The following XKR4 variants were observed in gnomAD, a reference collection of about 807,000 sequenced individuals.
XKR4 encodes XK related 4, also known as XK-related protein 4.
A neutral mutation model predicts 53.9 loss-of-function variants in XKR4; 12 were observed. That is an observed-to-expected ratio of 0.22 (90% CI 0.14 to 0.36). XKR4 has a LOEUF of 0.36. Among genes scored for constraint, XKR4 ranks in the 10% least tolerant of loss-of-function variants. The pLI is 1.00. For missense variants in XKR4, 799 were observed against 859.5 expected (o/e 0.93, Z 0.88); for synonymous variants, 354 against 362.4 (o/e 0.98, Z 0.26).
intron 1 of XKR4, among the ~76,000 whole-genome samples, chr8:55,240,919 G>A (rs538567180): frequency 6.6e-6 from 1 of 152,266 alleles, no homozygotes; most frequent in East Asian, 1.9e-4. Flanking sequence ...TGTAGGAAAG[G>A]TAAGGTATTC....
At chr8:55,300,562 C>T (rs1819177330) in intron 1 of XKR4, among the ~76,000 whole-genome samples, 2 of 151,688 alleles carry the variant, frequency 1.3e-5, no homozygotes, top group Admixed American at 6.6e-5. Flanking sequence ...GGAGATGGGT[C>T]GTGGAATAGA....
chr8:55,302,152 C>G (rs1427467737), intron 1 of XKR4, among the ~76,000 whole-genome samples: 2 of 152,002 alleles, frequency 1.3e-5, no homozygotes, highest in African/African-American at 2.4e-5. Context: ...GTCTTTAATC[C>G]ATCTTGAATT....
Position 55,113,286 on chromosome 8 carries a change from ATGTTGTC to A in XKR4, c.806+9993_806+9999del, listed in dbSNP as rs556107580. 4.0e-4 allele frequency among the ~76,000 whole-genome samples: 61 copies of A among 152,336 alleles called. No homozygotes were observed. In the East Asian group the frequency reaches 0.011, roughly 28 times the overall value. On this transcript the variant is annotated intron_variant, in intron 1 of 2. Coordinates refer to ENST00000327381, the MANE Select transcript of XKR4 (RefSeq NM_052898.2). ...TCTAATCTGCTAATAGGAAAGTAGCATGTTGTCCATAAGGCATGCATCTGTTAGCTAG... is the reference window on the plus strand; with the variant it reads ...TCTAATCTGCTAATAGGAAAGTAGCACATAAGGCATGCATCTGTTAGCTAG...
At chr8:55,305,341 C>G (rs1196749621) in intron 1 of XKR4, among the ~76,000 whole-genome samples, 1 of 152,050 alleles carries the variant, frequency 6.6e-6, no homozygotes, top group Non-Finnish European at 1.5e-5. Context: ...CAGGGTGGGC[C>G]CCAGTTCTCC....
Position 55,145,451 on chromosome 8 carries a change from C to T in XKR4, c.806+42157C>T, listed in dbSNP as rs182223444. The stretch of plus-strand genomic sequence containing the variant: ...TTCTCAAAAAAAAAAATGTAATTTC[C>T]CTAAGAGGATTGCAATGTTTTAGAT... On this transcript the variant is annotated intron_variant, in intron 1 of 2. Transcript: ENST00000327381. 9.8e-4 allele frequency among the ~76,000 whole-genome samples: 148 copies of T among 151,780 alleles called. 1 individual carries two copies. The highest frequency in any genetic ancestry group is 1.9e-3 in the Admixed American group (29 of 15,254).
rs1819215561 is a variant in XKR4, at chr8:55,302,422, G to C, written c.807-55256G>C. Among the ~76,000 whole-genome samples the C allele has an allele frequency of 1.1e-4, 17 of 152,264 alleles. No individual in the cohort carries two copies. The South Asian group carries it at 3.5e-3, about 32-fold the overall frequency. ...AGCCTTGTAGTATAGTTTGAAGTCA[G>C]GTAGCATGATGCCTCCAGCTTTGTT... On this transcript the variant is annotated intron_variant, in intron 1 of 2. Transcript: ENST00000327381.
chr8:55,448,537 A>G (rs1395949590), intron 2 of XKR4, among the ~76,000 whole-genome samples: 1 of 152,230 alleles, frequency 6.6e-6, no homozygotes, highest in Non-Finnish European at 1.5e-5. Context: ...TCAGTGAGGA[A>G]AATGTGGTTT....
chr8:55,437,349 G>T (rs542854439), intron 2 of XKR4, among the ~76,000 whole-genome samples: 1 of 152,104 alleles, frequency 6.6e-6, no homozygotes, highest in African/African-American at 2.4e-5. Flanking sequence ...CAATATTAAG[G>T]GAGGAGGTTT....
chr8:55,256,868 A>G (rs1818445236), intron 1 of XKR4, among the ~76,000 whole-genome samples: 3 of 152,210 alleles, frequency 2.0e-5, no homozygotes, highest in Admixed American at 2.0e-4. Flanking sequence ...AGGCTGGGTA[A>G]CGCATAAATA....
At chr8:55,225,991 G>A (rs1817947061) in intron 1 of XKR4, among the ~76,000 whole-genome samples, 1 of 152,186 alleles carries the variant, frequency 6.6e-6, no homozygotes, top group South Asian at 2.1e-4. Flanking sequence ...CCTCTGTCTG[G>A]CCCAGACAAC....
intron 1 of XKR4, among the ~76,000 whole-genome samples, chr8:55,357,072 G>C (rs1002075457): frequency 1.3e-5 from 2 of 152,182 alleles, no homozygotes; most frequent in African/African-American, 4.8e-5. Context: ...TAGGCTATTA[G>C]TGAAGTGGAG....
intron 2 of XKR4, among the ~76,000 whole-genome samples, chr8:55,416,583 C>T (rs931751165): frequency 3.7e-4 from 57 of 152,298 alleles, no homozygotes; most frequent in African/African-American, 1.3e-3. Context: ...TTGTTCTGGG[C>T]TGCAGGAAGA....
At chr8:55,190,434 A>C (rs976230700) in intron 1 of XKR4, among the ~76,000 whole-genome samples, 1 of 152,214 alleles carries the variant, frequency 6.6e-6, no homozygotes, top group Non-Finnish European at 1.5e-5. Context: ...GGTTTAATTC[A>C]ACAGTTCTTT....
intron 2 of XKR4, chr8:55,449,617 G>A: frequency 1.8e-6 from 2 of 1,109,548 alleles, no homozygotes; most frequent in Non-Finnish European, 1.4e-6. Flanking sequence ...CGTCAAAGAA[G>A]GCCTTCTCAT....
At chr8:55,306,991 T>A (rs1819310537) in intron 1 of XKR4, among the ~76,000 whole-genome samples, 1 of 148,290 alleles carries the variant, frequency 6.7e-6, no homozygotes, top group Non-Finnish European at 1.5e-5. Context: ...ACAAATTAGA[T>A]CAATACAGAT....
chr8:55,400,950 G>T (rs925276306), intron 2 of XKR4, among the ~76,000 whole-genome samples: 1 of 152,196 alleles, frequency 6.6e-6, no homozygotes, highest in African/African-American at 2.4e-5. Flanking sequence ...CACAGTGGGA[G>T]AAGCCACAAA....
intron 1 of XKR4, among the ~76,000 whole-genome samples, chr8:55,280,381 G>A (rs1043490040): frequency 2.0e-5 from 3 of 152,156 alleles, no homozygotes; most frequent in African/African-American, 7.2e-5. Flanking sequence ...GGTTAACTCA[G>A]GTTGTGCTGT....
At chr8:55,389,978 T>C (rs978523782) in intron 2 of XKR4, among the ~76,000 whole-genome samples, 8 of 152,128 alleles carry the variant, frequency 5.3e-5, no homozygotes, top group Admixed American at 4.6e-4. Context: ...AATTGTTATA[T>C]GGATGTTGTT....
intron 2 of XKR4, among the ~76,000 whole-genome samples, chr8:55,477,986 A>G (rs538641141): frequency 6.6e-6 from 1 of 152,286 alleles, no homozygotes; most frequent in Admixed American, 6.5e-5. Flanking sequence ...ACCATGCAGG[A>G]TATTATCCAG....
Sources: allele counts gnomAD v4.1 joint callset (sites outside exome capture counted in the v4.1 genomes callset), GRCh38; gene constraint gnomAD v4.1.1; transcripts MANE v1.5; gene names NCBI Gene and HGNC (gene_info 2026-07-23, HGNC 2026-07-21).